Variants in SCFD2 observed in about 807,000 individuals in gnomAD.
The protein encoded by SCFD2 is sec1 family domain containing 2.
SCFD2 carries 54 observed loss-of-function variants against 58.9 expected under a neutral mutation model. That is an observed-to-expected ratio of 0.92 (90% confidence interval 0.74 to 1.15). The LOEUF (loss-of-function observed/expected upper bound fraction) is 1.15, where lower values mean the gene tolerates loss of function less well. Ranked by LOEUF, SCFD2 falls within the 50% of genes most tolerant of loss-of-function variation. SCFD2 has a pLI of 0.00. For missense variants in SCFD2, 805 were observed against 836.6 expected (o/e 0.96, Z 0.47); for synonymous variants, 321 against 335.9 (o/e 0.96, Z 0.49).
Position 53,365,272 on chromosome 4 carries a change from T to A in SCFD2, c.670A>T (p.Ser224Cys). 6.2e-7 allele frequency: 1 copy of A among 1,614,210 alleles called. No homozygotes were observed. Among genetic ancestry groups the A allele is most frequent in the South Asian group, 1.1e-5 (1 of 91,084 alleles). Residue 224 changes from serine to cysteine, a missense_variant, in exon 1 of 9, where the codon AGT becomes TGT. Coordinates refer to ENST00000401642, the MANE Select transcript of SCFD2 (RefSeq NM_152540.4). The surrounding 1 kb of genome is among the most constrained non-coding windows in gnomAD (Gnocchi z 4.3). The part of the protein sequence containing the change: ...LQIRCLVSGL[S>C]SLCEHLGVRE... Reference sequence around the variant, plus strand: ...ACTCCTAAATGTTCACACAGAGAACTGAGGCCTGACACTAGGCATCTGATC... The same window carrying A: ...ACTCCTAAATGTTCACACAGAGAACAGAGGCCTGACACTAGGCATCTGATC...
intron 3 of SCFD2, among the ~76,000 whole-genome samples, chr4:53,303,358 T>G (rs946683653): frequency 6.6e-6 from 1 of 152,180 alleles, no homozygotes; most frequent in African/African-American, 2.4e-5. Context: ...AAAATGCTCA[T>G]CATCACTGGT....
At chr4:53,164,587 T>A (rs73143465) in intron 4 of SCFD2, among the ~76,000 whole-genome samples, 4,393 of 151,718 alleles carry the variant, frequency 0.029, 215 homozygotes, top group African/African-American at 0.1. Flanking sequence ...GGAGATGAGG[T>A]GTTCAAGACC....
chr4:53,001,418 C>A (rs1721863502), intron 5 of SCFD2, among the ~76,000 whole-genome samples: 1 of 152,106 alleles, frequency 6.6e-6, no homozygotes, highest in African/African-American at 2.4e-5. Flanking sequence ...TATTTTGTTT[C>A]TCTTTGTTTA....
At chr4:53,162,477 T>C (rs1206224381) in intron 4 of SCFD2, among the ~76,000 whole-genome samples, 1 of 152,188 alleles carries the variant, frequency 6.6e-6, no homozygotes, top group African/African-American at 2.4e-5. Flanking sequence ...CTGGGTCAAA[T>C]GGTATTTCTA....
At chr4:53,081,923 T>C (rs1724159002) in intron 5 of SCFD2, among the ~76,000 whole-genome samples, 1 of 152,214 alleles carries the variant, frequency 6.6e-6, no homozygotes, top group Non-Finnish European at 1.5e-5. Context: ...ATTTGACTAT[T>C]CTGGACATTT....
intron 5 of SCFD2, among the ~76,000 whole-genome samples, chr4:53,036,038 TTTTTATTTTA>T (rs557154134): frequency 6.6e-6 from 1 of 151,812 alleles, no homozygotes; most frequent in Non-Finnish European, 1.5e-5. Flanking sequence ...ATCGTTTTTG[TTTTTATTTTA>T]TTTTATTTTA....
At chr4:53,273,685 T>C in intron 4 of SCFD2, 141 bp downstream of exon 4, 8 of 728,836 alleles carry the variant, frequency 1.1e-5, no homozygotes, top group Non-Finnish European at 1.2e-5. Flanking sequence ...GAATTTTAAC[T>C]AGGGGGCACT....
Position 53,213,665 on chromosome 4 carries a change from T to C in SCFD2, c.1311+60161A>G, listed in dbSNP as rs144303807. 3.9e-5 allele frequency among the ~76,000 whole-genome samples: 6 copies of C among 152,272 alleles called. No individual in the cohort carries two copies. The East Asian group carries it at 1.2e-3, about 29-fold the overall frequency. ...TAATGCCATACGGTTCTTTCATTTATTTATTTTTTTATAAAGTTCTAGGGT... is the reference window on the plus strand; with the variant it reads ...TAATGCCATACGGTTCTTTCATTTACTTATTTTTTTATAAAGTTCTAGGGT... On this transcript the variant is annotated intron_variant, in intron 4 of 8. Transcript: ENST00000401642.
chr4:52,961,485 A>C (rs746680369), intron 5 of SCFD2, among the ~76,000 whole-genome samples: 2 of 152,180 alleles, frequency 1.3e-5, no homozygotes, highest in Non-Finnish European at 2.9e-5. Flanking sequence ...GCTTTTTAAA[A>C]GCTAGCTTGA....
At position 53,095,440 on chromosome 4, in the gene SCFD2, T is replaced by G. The variant is rs1002583292; in HGVS notation, c.1561+49893A>C. ...ATATATATATAATCTGATCTCTTTTTACCTCCTTCACCACTACCATCCTGG... is the reference window on the plus strand; with the variant it reads ...ATATATATATAATCTGATCTCTTTTGACCTCCTTCACCACTACCATCCTGG... On this transcript the variant is annotated intron_variant, in intron 5 of 8. Coordinates refer to ENST00000401642, the MANE Select transcript of SCFD2 (RefSeq NM_152540.4). 2.0e-5 allele frequency among the ~76,000 whole-genome samples: 3 copies of G among 152,194 alleles called. 1 individual carries two copies. The highest frequency in any genetic ancestry group is 2.4e-5 in the African/African-American group (1 of 41,538).
intron 5 of SCFD2, among the ~76,000 whole-genome samples, chr4:53,020,017 C>T (rs1722309413): frequency 6.6e-6 from 1 of 152,144 alleles, no homozygotes; most frequent in African/African-American, 2.4e-5. Flanking sequence ...ATCTTCCTGA[C>T]CCTAACTCAG....
At chr4:53,133,176 A>G (rs1725840268) in intron 5 of SCFD2, among the ~76,000 whole-genome samples, 1 of 151,896 alleles carries the variant, frequency 6.6e-6, no homozygotes, top group Admixed American at 6.6e-5. Context: ...AAAATACAAG[A>G]AATTAGCCGG....
intron 1 of SCFD2, among the ~76,000 whole-genome samples, chr4:53,358,941 A>G (rs1488101585): frequency 6.6e-6 from 1 of 152,232 alleles, no homozygotes; most frequent in Non-Finnish European, 1.5e-5. Context: ...TCAAACAATT[A>G]CAACTTTTTA....
At chr4:53,258,529 G>GGTGT (rs201888049) in intron 4 of SCFD2, among the ~76,000 whole-genome samples, 1 of 102,844 alleles carries the variant, frequency 9.7e-6, no homozygotes, top group African/African-American at 4.4e-5. Flanking sequence ...CGTATTCCAT[G>GGTGT]GTGTGTGTGT....
intron 4 of SCFD2, among the ~76,000 whole-genome samples, chr4:53,248,681 C>T (rs1438667286): frequency 2.6e-5 from 4 of 151,916 alleles, no homozygotes; most frequent in Non-Finnish European, 4.4e-5. Context: ...CTCACACAGC[C>T]GGGTACTCCT....
intron 5 of SCFD2, among the ~76,000 whole-genome samples, chr4:53,030,607 A>C (rs1245200556): frequency 6.6e-6 from 1 of 152,178 alleles, no homozygotes; most frequent in African/African-American, 2.4e-5. Flanking sequence ...TTTTTAGTAG[A>C]GACGGAGTTT....
chr4:52,962,164 T>C (rs1247196597), intron 5 of SCFD2, among the ~76,000 whole-genome samples: 1 of 152,162 alleles, frequency 6.6e-6, no homozygotes, highest in Non-Finnish European at 1.5e-5. Flanking sequence ...TCCCTGCATA[T>C]GGGTTGGACA....
At chr4:53,155,056 G>T (rs948707497) in intron 4 of SCFD2, among the ~76,000 whole-genome samples, 1 of 152,192 alleles carries the variant, frequency 6.6e-6, no homozygotes, top group Admixed American at 6.5e-5. Context: ...CAAATCCGTT[G>T]TTGTGTTAAG....
At position 53,072,541 on chromosome 4, in the gene SCFD2, A is replaced by T. The variant is rs557466675; in HGVS notation, c.1561+72792T>A. Among the ~76,000 whole-genome samples, 10 of 152,090 alleles carry T rather than the reference A, an allele frequency of 6.6e-5. No homozygotes were observed. In the South Asian group the frequency reaches 2.1e-3, roughly 32 times the overall value. ...TGAAGAAACAGGCAACATGGCACCA[A>T]CCAGGCAAAGAACCCAGAGAATAAT... On this transcript the variant is annotated intron_variant, in intron 5 of 8. Coordinates refer to ENST00000401642, the MANE Select transcript of SCFD2 (RefSeq NM_152540.4).
Sources: allele counts gnomAD v4.1 joint callset (sites outside exome capture counted in the v4.1 genomes callset), GRCh38; gene constraint gnomAD v4.1.1; non-coding constraint Gnocchi (gnomAD v3.1); transcripts MANE v1.5; gene names NCBI Gene and HGNC (gene_info 2026-07-23, HGNC 2026-07-21).